AKT2: variants seen among roughly 807,000 people sequenced by gnomAD.
AKT2 encodes RAC-beta serine/threonine-protein kinase.
A neutral mutation model predicts 58.6 loss-of-function variants in AKT2; 16 were observed. That is an observed-to-expected ratio of 0.27 (90% CI 0.18 to 0.41). The LOEUF (loss-of-function observed/expected upper bound fraction) is 0.41. Among genes scored for constraint, AKT2 ranks in the 10% least tolerant of loss-of-function variants. The pLI is 1.00. For missense variants in AKT2, 438 were observed against 661.0 expected (o/e 0.66, Z 3.70); for synonymous variants, 253 against 254.0 (o/e 1.00, Z 0.04).
chr19:40,267,310 G>A (rs535355187), intron 1 of AKT2, among the ~76,000 whole-genome samples: 4 of 152,140 alleles, frequency 2.6e-5, no homozygotes, highest in South Asian at 2.1e-4. Context: ...GAGCTGAGAC[G>A]TGCACCTAGA....
intron 1 of AKT2, 196 bp from the exon 2 acceptor site, chr19:40,265,547 A>G: frequency 1.5e-6 from 1 of 680,008 alleles, no homozygotes; most frequent in Non-Finnish European, 2.3e-6. Flanking sequence ...AGCGACCCCA[A>G]TCTGGGGGAA....
intron 4 of AKT2, among the ~76,000 whole-genome samples, chr19:40,249,367 G>A (rs758329545): frequency 1.3e-5 from 2 of 152,272 alleles, no homozygotes; most frequent in East Asian, 1.9e-4. Flanking sequence ...CAGGCCCTGC[G>A]CCAGTGCCTT....
At chr19:40,277,261 A>G (rs1283449840) in intron 1 of AKT2, among the ~76,000 whole-genome samples, 1 of 152,332 alleles carries the variant, frequency 6.6e-6, no homozygotes, top group African/African-American at 2.4e-5. Flanking sequence ...AATAATTTCC[A>G]ACATGCCCCT....
intron 2 of AKT2, among the ~76,000 whole-genome samples, chr19:40,259,816 A>G (rs1012167096): frequency 1.3e-5 from 2 of 152,246 alleles, no homozygotes; most frequent in African/African-American, 4.8e-5. Context: ...AGAAAGATGA[A>G]AAGATGTTCA....
At chr19:40,245,790 C>T (rs1974710346) in intron 4 of AKT2, among the ~76,000 whole-genome samples, 1 of 152,204 alleles carries the variant, frequency 6.6e-6, no homozygotes, top group Non-Finnish European at 1.5e-5. Flanking sequence ...TTTCCACCTG[C>T]TTTGAACACA....
Position 40,231,746 on chromosome 19 carries a change from C to A in AKT2, c.*2126G>T, listed in dbSNP as rs984355535. The A allele has an allele frequency of 1.3e-5, 3 of 233,320 alleles. No individual in the cohort carries two copies. Among genetic ancestry groups the A allele is most frequent in the African/African-American group, 6.6e-5 (3 of 45,356 alleles). 14.5% of individuals were successfully genotyped at this position (233,320 alleles called of 1,614,324 possible). A position where few individuals can be genotyped will look rare whatever the true frequency, so the allele number is the denominator to read the frequency against. On this transcript the variant is annotated 3_prime_UTR_variant, in exon 14 of 14. Coordinates refer to ENST00000392038, the MANE Select transcript of AKT2 (RefSeq NM_001626.6). Reference sequence around the variant, plus strand: ...GTGCAGGGGCCCAGACACATCCAGGCTAAAGGGCAGTGACTAGGGGAGGGC... The same window carrying A: ...GTGCAGGGGCCCAGACACATCCAGGATAAAGGGCAGTGACTAGGGGAGGGC...
intron 6 of AKT2, chr19:40,240,379 C>T: frequency 6.0e-6 from 4 of 662,846 alleles, no homozygotes; most frequent in South Asian, 3.0e-5. Context: ...ACACCTGTGA[C>T]GTCCCTGCAA....
At chr19:40,243,363 T>G (rs534710414) in intron 4 of AKT2, 1 of 153,462 alleles carries the variant, frequency 6.5e-6, no homozygotes, top group South Asian at 2.1e-4. Flanking sequence ...AGTTTATAAG[T>G]TACCAATGTT....
chr19:40,278,931 C>T (rs8111619), intron 1 of AKT2, among the ~76,000 whole-genome samples: 1 of 151,430 alleles, frequency 6.6e-6, no homozygotes, highest in Non-Finnish European at 1.5e-5. Flanking sequence ...CAGCTACCCC[C>T]GGGACCAGGT....
Position 40,242,858 on chromosome 19 carries a change from G to C in AKT2, c.288-171C>G. ...CAGAGAGAGCTGAAGGGACCTGAGT[G>C]AAATTCCACGCCAGGCGCAGTGGCT... On this transcript the variant is annotated intron_variant, in intron 4 of 13. Coordinates refer to ENST00000392038, the MANE Select transcript of AKT2 (RefSeq NM_001626.6). The surrounding 1 kb of genome is among the most constrained non-coding windows in gnomAD (Gnocchi z 4.3). The C allele has an allele frequency of 1.4e-6, 1 of 715,084 alleles. No homozygotes were observed. The highest frequency in any genetic ancestry group is 1.7e-5 in the South Asian group (1 of 58,744). The allele number at this position is 715,084 out of a possible 1,614,324, so 44.3% of individuals were successfully genotyped here.
chr19:40,271,534 G>T (rs569770609), intron 1 of AKT2, among the ~76,000 whole-genome samples: 2 of 151,924 alleles, frequency 1.3e-5, no homozygotes, highest in East Asian at 3.9e-4. Flanking sequence ...GGGGCAAGAC[G>T]TGAGGGAACC....
At chr19:40,240,348 G>GT (rs981711614) in intron 6 of AKT2, 1 of 705,050 alleles carries the variant, frequency 1.4e-6, no homozygotes, top group African/African-American at 1.7e-5. Flanking sequence ...ACAATGTAAG[G>GT]ACCAGGCTGC....
Position 40,275,768 on chromosome 19 carries a change from G to GA in AKT2, c.-85+9412_-85+9413insT, listed in dbSNP as rs1349961384. 1.8e-3 allele frequency among the ~76,000 whole-genome samples: 184 copies of GA among 101,952 alleles called. 14 individuals are homozygous for GA. The highest frequency in any genetic ancestry group is 6.2e-3 in the African/African-American group (176 of 28,278). 66.9% of individuals were successfully genotyped at this position (101,952 alleles called of 152,430 possible). On this transcript the variant is annotated intron_variant, in intron 1 of 13. Transcript: ENST00000392038. ...AATCCCAGCACTTTGGGAGGCTGGG[G>GA]GGGGGGGGGGTGGGCGGGGGGCGAT... is the stretch of plus-strand genomic sequence containing the variant.
intron 4 of AKT2, among the ~76,000 whole-genome samples, chr19:40,244,923 G>A (rs1024863784): frequency 3.3e-5 from 5 of 152,310 alleles, no homozygotes; most frequent in South Asian, 2.1e-4. Flanking sequence ...TGTACCACGC[G>A]AAACTACTTC....
rs964589508 is a variant in AKT2, at chr19:40,234,280, C to T, written c.1367-329G>A. 1.3e-5 allele frequency among the ~76,000 whole-genome samples: 2 copies of T among 152,186 alleles called. No homozygotes were observed. The highest frequency in any genetic ancestry group is 2.9e-5 in the Non-Finnish European group (2 of 68,028). ...TGTCCTGGCCTGCCTCTCGCACCCT[C>T]CCATCCATTCTCCACGGGCAGCCAG... is the stretch of plus-strand genomic sequence containing the variant. On this transcript the variant is annotated intron_variant, in intron 13 of 13. Coordinates refer to ENST00000392038, the MANE Select transcript of AKT2 (RefSeq NM_001626.6). The surrounding 1 kb of genome is among the most constrained non-coding windows in gnomAD (Gnocchi z 4.7).
rs1319510522 is a variant in AKT2 at position 40,238,638 on chromosome 19, C to T, written c.708+267G>A. 6.6e-6 allele frequency among the ~76,000 whole-genome samples: 1 copy of T among 152,178 alleles called. No individual in the cohort carries two copies. Among genetic ancestry groups the T allele is most frequent in the Non-Finnish European group, 1.5e-5 (1 of 68,030 alleles). ...CATCCTTCCCAGTGCTATCGCCCCACAGCCCTCTCCACACCTCTCTGGACT... is the reference window on the plus strand; with the variant it reads ...CATCCTTCCCAGTGCTATCGCCCCATAGCCCTCTCCACACCTCTCTGGACT... On this transcript the variant is annotated intron_variant, in intron 8 of 13. Coordinates refer to ENST00000392038, the MANE Select transcript of AKT2 (RefSeq NM_001626.6). The surrounding 1 kb of genome is among the most constrained non-coding windows in gnomAD (Gnocchi z 5.1).
chr19:40,256,614 G>C (rs549868762), intron 3 of AKT2, among the ~76,000 whole-genome samples: 1 of 152,302 alleles, frequency 6.6e-6, no homozygotes, highest in Non-Finnish European at 1.5e-5. Flanking sequence ...GCACAGGATG[G>C]GAGGCACCTG....
At chr19:40,236,698 A>G in intron 9 of AKT2, 1 of 407,310 alleles carries the variant, frequency 2.5e-6, no homozygotes, top group South Asian at 2.2e-5. Flanking sequence ...GCTTTCTTCT[A>G]TTCTTTTTTT....
At chr19:40,275,766 G>GA (rs1014984068) in intron 1 of AKT2, among the ~76,000 whole-genome samples, 1 of 75,232 alleles carries the variant, frequency 1.3e-5, no homozygotes, top group South Asian at 5.7e-4. Context: ...TGGGAGGCTG[G>GA]GGGGGGGGGG....
Sources: gnomAD v4.1 joint callset for allele counts (sites outside exome capture counted in the v4.1 genomes callset) on GRCh38, gnomAD v4.1.1 for gene constraint, Gnocchi (gnomAD v3.1) non-coding constraint, MANE v1.5 for transcripts, NCBI Gene and HGNC (gene_info 2026-07-23, HGNC 2026-07-21) for gene names.